The following LRP1B variants were observed in gnomAD, a reference collection of about 807,000 sequenced individuals.
The protein encoded by LRP1B is LDL receptor related protein 1B.
Under a neutral mutation model 556.6 loss-of-function variants are expected in LRP1B, and 217 were observed. The observed-to-expected ratio is 0.39, with a 90% CI of 0.35 to 0.44. The LOEUF is 0.44. Ranked by LOEUF, LRP1B falls within the 20% of genes least tolerant of loss-of-function variation. The pLI, the probability that LRP1B is intolerant of heterozygous loss-of-function variation, is 1.00. For synonymous variants in LRP1B, 2,047 were observed against 1,865.8 expected (o/e 1.10, Z -2.50); for missense variants, 5,053 against 5,620.8 (o/e 0.90, Z 3.23).
intron 7 of LRP1B, among the ~76,000 whole-genome samples, chr2:141,068,755 G>A (rs1410253129): frequency 6.6e-6 from 1 of 151,780 alleles, no homozygotes; most frequent in Non-Finnish European, 1.5e-5. Flanking sequence ...TCATTAAAGG[G>A]AAAAAACCTT....
chr2:141,703,053 A>G (rs770398183), intron 2 of LRP1B, among the ~76,000 whole-genome samples: 3 of 151,960 alleles, frequency 2.0e-5, no homozygotes, highest in Non-Finnish European at 2.9e-5. Context: ...AATAGGATAA[A>G]CAGAACATTT....
At position 140,310,160 on chromosome 2, in the gene LRP1B, C is replaced by G. The variant is rs554421636; in HGVS notation, c.12805+4775G>C. The stretch of plus-strand genomic sequence containing the variant: ...CAAACTCCTGCATATATGTATGAGA[C>G]TTATCTTTTGCCACTTTCTTATTAT... On this transcript the variant is annotated intron_variant, in intron 83 of 90. Coordinates refer to ENST00000389484, the MANE Select transcript of LRP1B (RefSeq NM_018557.3). 9.7e-4 allele frequency among the ~76,000 whole-genome samples: 148 copies of G among 151,868 alleles called. 1 individual carries two copies. Among genetic ancestry groups the G allele is most frequent in the Admixed American group, 1.8e-3 (28 of 15,174 alleles).
intron 2 of LRP1B, among the ~76,000 whole-genome samples, chr2:141,799,908 T>C (rs1387041868): frequency 2.6e-5 from 4 of 152,128 alleles, no homozygotes; most frequent in African/African-American, 4.8e-5. Flanking sequence ...ACAAACTTCA[T>C]GTGCATATGT....
At chr2:142,076,086 T>A (rs1300210926) in intron 1 of LRP1B, among the ~76,000 whole-genome samples, 1 of 152,104 alleles carries the variant, frequency 6.6e-6, no homozygotes, top group Non-Finnish European at 1.5e-5. Context: ...CATAAAGCAC[T>A]GACAGGTTTT....
chr2:141,750,122 T>C (rs1694056508), intron 2 of LRP1B, among the ~76,000 whole-genome samples: 1 of 152,148 alleles, frequency 6.6e-6, no homozygotes, highest in South Asian at 2.1e-4. Context: ...GGTATATTTC[T>C]CAGTAGAGAT....
At chr2:141,904,116 G>A (rs1699693707) in intron 1 of LRP1B, among the ~76,000 whole-genome samples, 1 of 151,894 alleles carries the variant, frequency 6.6e-6, no homozygotes, top group Non-Finnish European at 1.5e-5. Context: ...ACAATTACAA[G>A]ATTTTAAGCA....
intron 2 of LRP1B, among the ~76,000 whole-genome samples, chr2:141,598,376 A>G (rs13426117): frequency 2.6e-5 from 4 of 152,108 alleles, no homozygotes; most frequent in Non-Finnish European, 5.9e-5. Flanking sequence ...TTAATTTTTT[A>G]AAAAAGTAAA....
chr2:142,060,491 G>A (rs966181558), intron 1 of LRP1B, among the ~76,000 whole-genome samples: 1 of 152,050 alleles, frequency 6.6e-6, no homozygotes, highest in Non-Finnish European at 1.5e-5. Flanking sequence ...ATCCATAAGA[G>A]GTGGATGGGT....
chr2:141,300,042 A>G (rs927099097), intron 3 of LRP1B, among the ~76,000 whole-genome samples: 1 of 152,232 alleles, frequency 6.6e-6, no homozygotes, highest in Non-Finnish European at 1.5e-5. Context: ...AAGAGACCCC[A>G]GAGAGCTCTC....
intron 2 of LRP1B, 144 bp from the exon 3 acceptor site, chr2:141,480,677 T>C (rs1240515765): frequency 4.9e-6 from 4 of 817,606 alleles, no homozygotes; most frequent in South Asian, 2.9e-5. Flanking sequence ...CTCAGAGACA[T>C]TGAAGTTAGC....
intron 7 of LRP1B, among the ~76,000 whole-genome samples, chr2:141,141,156 CAGA>C (rs1220422813): frequency 6.6e-6 from 1 of 152,076 alleles, no homozygotes; most frequent in Non-Finnish European, 1.5e-5. Flanking sequence ...TTAACGAATA[CAGA>C]AGATTTATAA....
intron 41 of LRP1B, among the ~76,000 whole-genome samples, chr2:140,684,508 G>A (rs111482016): frequency 0.047 from 7,218 of 152,196 alleles, 260 homozygotes; most frequent in Middle Eastern, 0.099. Flanking sequence ...ATCTTACAAC[G>A]TCTAGCCCAT....
chr2:142,066,385 C>T (rs1426059833), intron 1 of LRP1B, among the ~76,000 whole-genome samples: 1 of 151,490 alleles, frequency 6.6e-6, no homozygotes, highest in East Asian at 1.9e-4. Flanking sequence ...ATAGAAATCT[C>T]CCCATGTACA....
At chr2:141,392,704 CATA>C (rs1309251483) in intron 3 of LRP1B, among the ~76,000 whole-genome samples, 1 of 152,024 alleles carries the variant, frequency 6.6e-6, no homozygotes, top group Non-Finnish European at 1.5e-5. Flanking sequence ...TTTTTTGAGT[CATA>C]ATGTCAACAT....
At chr2:140,475,460 T>C (rs1687936116) in intron 59 of LRP1B, 123 bp from the exon 60 acceptor site, 1 of 634,536 alleles carries the variant, frequency 1.6e-6, no homozygotes, top group African/African-American at 1.9e-5. Context: ...GAATTGCAGC[T>C]TTTAAGAAAC....
At chr2:140,822,969 T>G (rs1187111628) in intron 31 of LRP1B, among the ~76,000 whole-genome samples, 2 of 152,192 alleles carry the variant, frequency 1.3e-5, no homozygotes, top group African/African-American at 4.8e-5. Flanking sequence ...TGCAAAGCAT[T>G]TTGAAAGTGG....
chr2:141,727,142 C>A (rs1436753474), intron 2 of LRP1B, among the ~76,000 whole-genome samples: 1 of 151,966 alleles, frequency 6.6e-6, no homozygotes, highest in Non-Finnish European at 1.5e-5. Flanking sequence ...GAAAAGAGAT[C>A]TTGAGGGGAA....
chr2:141,560,451 T>C (rs1686106601), intron 2 of LRP1B, among the ~76,000 whole-genome samples: 1 of 151,726 alleles, frequency 6.6e-6, no homozygotes, highest in Non-Finnish European at 1.5e-5. Flanking sequence ...CCTGTAGACG[T>C]TGCATTTTAT....
At chr2:141,499,445 A>G (rs1358404311) in intron 2 of LRP1B, among the ~76,000 whole-genome samples, 1 of 152,004 alleles carries the variant, frequency 6.6e-6, no homozygotes, top group East Asian at 1.9e-4. Flanking sequence ...TTCGCTTTGT[A>G]TCCTGTGTAT....
Sources: allele counts gnomAD v4.1 joint callset (sites outside exome capture counted in the v4.1 genomes callset), GRCh38; gene constraint gnomAD v4.1.1; transcripts MANE v1.5; gene names NCBI Gene and HGNC (gene_info 2026-07-23, HGNC 2026-07-21).